The following PCDH15 variants were observed in gnomAD, a reference collection of about 807,000 sequenced individuals.
The protein encoded by PCDH15 is protocadherin-15.
In PCDH15, 129 loss-of-function variants were observed where a neutral mutation model predicts 178.5. The ratio of observed to expected loss-of-function variants is 0.72; its 90% CI spans 0.63 to 0.84. The LOEUF (loss-of-function observed/expected upper bound fraction) is 0.84. Among genes scored for constraint, PCDH15 ranks in the 40% least tolerant of loss-of-function variants. PCDH15 has a pLI of 0.00. For synonymous variants in PCDH15, 800 were observed against 732.0 expected (o/e 1.09, Z -1.50); for missense variants, 2,230 against 2,099.9 (o/e 1.06, Z -1.21).
At chr10:55,051,500 A>T (rs944655081) in intron 2 of PCDH15, among the ~76,000 whole-genome samples, 1 of 152,204 alleles carries the variant, frequency 6.6e-6, no homozygotes, top group Non-Finnish European at 1.5e-5. Flanking sequence ...AAAAGTATAA[A>T]TTAAAAGTAA....
chr10:54,606,924 T>C (rs1413424186), intron 2 of PCDH15: 1 of 152,062 alleles, frequency 6.6e-6, no homozygotes, highest in East Asian at 1.9e-4. Context: ...CTGTTTCACA[T>C]TCTGACTATT....
chr10:55,324,047 T>C (rs1843970981), upstream of PCDH15, among the ~76,000 whole-genome samples: 1 of 152,078 alleles, frequency 6.6e-6, no homozygotes, highest in Non-Finnish European at 1.5e-5. Flanking sequence ...AAATGGGAGT[T>C]CCACTGCACA....
intron 2 of PCDH15, among the ~76,000 whole-genome samples, chr10:55,523,829 A>G (rs1841241327): frequency 6.6e-6 from 1 of 151,540 alleles, no homozygotes; most frequent in Admixed American, 6.6e-5. Flanking sequence ...CACATGCTCA[A>G]TTGCATTTTT....
chr10:54,256,057 A>G lies in PCDH15; in HGVS notation c.877-19126T>C, dbSNP rs2056872256. The stretch of plus-strand genomic sequence containing the variant: ...CCCAAATTCCGAGAATAGTCTCCGG[A>G]AGGATACCCTCCCAGCTATTTGGTG... On this transcript the variant is annotated intron_variant, in intron 8 of 37. Coordinates refer to ENST00000644397, the MANE Select transcript of PCDH15 (RefSeq NM_001384140.1). Among the ~76,000 whole-genome samples, 4 of 152,186 alleles carry G rather than the reference A, an allele frequency of 2.6e-5. No individual in the cohort carries two copies. In the South Asian group the frequency reaches 8.3e-4, roughly 32 times the overall value.
At chr10:54,266,755 A>C (rs576557610) in intron 8 of PCDH15, among the ~76,000 whole-genome samples, 1 of 151,932 alleles carries the variant, frequency 6.6e-6, no homozygotes, top group Non-Finnish European at 1.5e-5. Context: ...ACCAGGAAGA[A>C]CTTGAAACAC....
intron 3 of PCDH15, among the ~76,000 whole-genome samples, chr10:54,884,011 C>A (rs1170719416): frequency 6.6e-6 from 1 of 151,846 alleles, no homozygotes; most frequent in African/African-American, 2.4e-5. Context: ...GAAAATGTAA[C>A]ATGGGGAATT....
chr10:53,964,496 A>C (rs2088774972), intron 21 of PCDH15, among the ~76,000 whole-genome samples: 1 of 87,178 alleles, frequency 1.1e-5, no homozygotes, highest in African/African-American at 4.3e-5. Context: ...TTATTTATAA[A>C]AATTTTATTT....
At chr10:55,039,772 G>A (rs1050923273) in intron 2 of PCDH15, among the ~76,000 whole-genome samples, 6 of 152,130 alleles carry the variant, frequency 3.9e-5, no homozygotes, top group Admixed American at 3.9e-4. Context: ...TTTGATGAGT[G>A]ATATGTTACA....
At chr10:54,178,373 A>G (rs10490981) in intron 13 of PCDH15, among the ~76,000 whole-genome samples, 41,786 of 152,096 alleles carry the variant, frequency 0.27, 6,611 homozygotes, top group Non-Finnish European at 0.37. Context: ...CGATAAGGAA[A>G]ATAATCAGAG....
chr10:55,359,457 G>GA (rs1845167668), intron 2 of PCDH15, among the ~76,000 whole-genome samples: 1 of 151,656 alleles, frequency 6.6e-6, no homozygotes, highest in South Asian at 2.1e-4. Flanking sequence ...TGAGGATGTG[G>GA]AAAAATGGCA....
At chr10:55,008,253 A>AG in intron 2 of PCDH15, among the ~76,000 whole-genome samples, 1 of 42,084 alleles carries the variant, frequency 2.4e-5, no homozygotes, top group Non-Finnish European at 7.3e-5. Context: ...TAAATCTTTG[A>AG]AAAAAAAAAC....
chr10:54,353,162 G>A (rs557413516), intron 5 of PCDH15, among the ~76,000 whole-genome samples: 1 of 152,014 alleles, frequency 6.6e-6, no homozygotes, highest in South Asian at 2.1e-4. Flanking sequence ...CCATTATATT[G>A]GTCTTACTTT....
At chr10:54,672,681 ATTG>A (rs1429542640) in intron 1 of PCDH15, among the ~76,000 whole-genome samples, 6 of 152,184 alleles carry the variant, frequency 3.9e-5, no homozygotes, top group Non-Finnish European at 8.8e-5. Flanking sequence ...TGCATTCCAT[ATTG>A]TTAATTATAT....
chr10:54,344,080 A>G (rs1047181200), intron 6 of PCDH15, among the ~76,000 whole-genome samples: 2 of 152,134 alleles, frequency 1.3e-5, no homozygotes, highest in African/African-American at 4.8e-5. Flanking sequence ...AAGAGAAGAA[A>G]CTGGTACTGA....
intron 2 of PCDH15, among the ~76,000 whole-genome samples, chr10:55,609,514 A>G (rs371001135): frequency 6.6e-6 from 1 of 152,160 alleles, no homozygotes; most frequent in South Asian, 2.1e-4. Context: ...CCCACTGTTC[A>G]GATCTTTATA....
intron 1 of PCDH15, among the ~76,000 whole-genome samples, chr10:55,299,929 T>C (rs1417703139): frequency 6.6e-6 from 1 of 152,186 alleles, no homozygotes; most frequent in Non-Finnish European, 1.5e-5. Flanking sequence ...GCATGTCACA[T>C]AAAGAATACA....
At chr10:55,139,287 TTTGA>T (rs1838284779) in intron 2 of PCDH15, among the ~76,000 whole-genome samples, 2 of 152,082 alleles carry the variant, frequency 1.3e-5, no homozygotes, top group South Asian at 2.1e-4. Flanking sequence ...AAATTTTACT[TTTGA>T]TTAATTTTAA....
At chr10:53,861,519 T>C (rs1364487245) in intron 27 of PCDH15, among the ~76,000 whole-genome samples, 1 of 152,118 alleles carries the variant, frequency 6.6e-6, no homozygotes, top group Non-Finnish European at 1.5e-5. Context: ...TCATAAATTT[T>C]AAATAGTGCT....
At chr10:53,989,650 C>A (rs1326002915) in intron 21 of PCDH15, among the ~76,000 whole-genome samples, 1 of 152,046 alleles carries the variant, frequency 6.6e-6, no homozygotes, top group Non-Finnish European at 1.5e-5. Context: ...TGATTATTTC[C>A]CTAACAGCTT....
Sources: allele counts gnomAD v4.1 joint callset (sites outside exome capture counted in the v4.1 genomes callset), GRCh38; gene constraint gnomAD v4.1.1; transcripts MANE v1.5; gene names NCBI Gene and HGNC (gene_info 2026-07-23, HGNC 2026-07-21).